The following TSPAN15 variants were observed in gnomAD, a reference collection of about 807,000 sequenced individuals.
The protein encoded by TSPAN15 is tetraspanin 15, also known as tetraspanin-15.
A neutral mutation model predicts 34.5 loss-of-function variants in TSPAN15; 20 were observed. That is an observed-to-expected ratio of 0.58 (90% CI 0.41 to 0.84). The LOEUF is 0.84. Ranked by LOEUF, TSPAN15 falls within the 40% of genes least tolerant of loss-of-function variation. TSPAN15 has a pLI of 0.00. For synonymous variants in TSPAN15, 155 were observed against 153.9 expected, an observed-to-expected ratio of 1.01 and a Z score of -0.05; for missense variants, 313 against 386.1, an observed-to-expected ratio of 0.81 and a Z score of 1.59.
At chr10:69,452,267 T>G (rs1164599470) in intron 1 of TSPAN15, among the ~76,000 whole-genome samples, 1 of 152,224 alleles carries the variant, frequency 6.6e-6, no homozygotes, top group African/African-American at 2.4e-5. Context: ...CCGCTGTCGC[T>G]GGGCTTTACC....
chr10:69,467,660 AC>A, intron 1 of TSPAN15, among the ~76,000 whole-genome samples: 1 of 151,886 alleles, frequency 6.6e-6, no homozygotes, highest in Non-Finnish European at 1.5e-5. Context: ...ACACACACAC[AC>A]ACACACACAC....
chr10:69,451,499 G>C lies in TSPAN15; in HGVS notation c.-96G>C. 1 of 1,278,484 alleles carries C rather than the reference G, an allele frequency of 7.8e-7. No individual in the cohort carries two copies. The highest frequency in any genetic ancestry group is 9.9e-7 in the Non-Finnish European group (1 of 1,011,204). 79.2% of individuals were successfully genotyped at this position (1,278,484 alleles called of 1,614,324 possible). A position where few individuals can be genotyped will look rare whatever the true frequency, so the allele number is the denominator to read the frequency against. Reference sequence around the variant, plus strand: ...GGAGAGAACGCCGGTGGCGGGGCTGGTAGCCCGGCAGCCGCAGGTGGGGCC... The same window carrying C: ...GGAGAGAACGCCGGTGGCGGGGCTGCTAGCCCGGCAGCCGCAGGTGGGGCC... On this transcript the variant is annotated 5_prime_UTR_variant, in exon 1 of 8. Transcript: ENST00000373290.
rs559257382 is a variant in TSPAN15, at chr10:69,457,320, G to A, written c.96+5630G>A. On this transcript the variant is annotated intron_variant, in intron 1 of 7. Coordinates refer to ENST00000373290, the MANE Select transcript of TSPAN15 (RefSeq NM_012339.5). ...CTTGTACCTACAAGGCGAGGATCCAGCTTGGGGCAGAGGCCTGGCTGGGGG... is the reference window on the plus strand; with the variant it reads ...CTTGTACCTACAAGGCGAGGATCCAACTTGGGGCAGAGGCCTGGCTGGGGG... 3.3e-5 allele frequency among the ~76,000 whole-genome samples: 5 copies of A among 152,354 alleles called. No homozygotes were observed. The East Asian group carries it at 9.6e-4, about 29-fold the overall frequency.
intron 1 of TSPAN15, among the ~76,000 whole-genome samples, chr10:69,482,044 A>C (rs991914915): frequency 6.6e-6 from 1 of 150,650 alleles, no homozygotes; most frequent in Non-Finnish European, 1.5e-5. Flanking sequence ...CCTGGAGCTT[A>C]TGTTCTAGTG....
the TSPAN15 span, among the ~76,000 whole-genome samples, chr10:69,530,273 A>C: frequency 9.5e-5 from 14 of 147,910 alleles, 1 homozygote; most frequent in African/African-American, 3.4e-4. Flanking sequence ...CAACAAGCAA[A>C]GCTGAGAACT....
At chr10:69,499,239 C>T (rs758335334) in intron 5 of TSPAN15, among the ~76,000 whole-genome samples, 1 of 152,226 alleles carries the variant, frequency 6.6e-6, no homozygotes, top group Non-Finnish European at 1.5e-5. Context: ...TTTCTCCTGA[C>T]ATTGCCACCA....
At chr10:69,509,248 ACCGC>A (rs548757080), downstream of TSPAN15, among the ~76,000 whole-genome samples, 8,708 of 152,138 alleles carry the variant, frequency 0.057, 322 homozygotes, top group African/African-American at 0.086. Flanking sequence ...CTCACACTGC[ACCGC>A]TGGCCAGCTG....
intron 1 of TSPAN15, among the ~76,000 whole-genome samples, chr10:69,452,995 C>T (rs1277413673): frequency 6.6e-6 from 1 of 152,208 alleles, no homozygotes; most frequent in East Asian, 1.9e-4. Context: ...AGCTCTGTTA[C>T]TGACTTATGG....
At chr10:69,485,849 G>A (rs1459931103) in intron 3 of TSPAN15, among the ~76,000 whole-genome samples, 4 of 152,176 alleles carry the variant, frequency 2.6e-5, no homozygotes, top group African/African-American at 7.2e-5. Flanking sequence ...CCAAAAAGGC[G>A]ATTTGATGTA....
the TSPAN15 span, among the ~76,000 whole-genome samples, chr10:69,524,640 GA>G: frequency 0.37 from 42,035 of 114,296 alleles, 8,415 homozygotes; most frequent in African/African-American, 0.48. Context: ...TTGCAAACTA[GA>G]AAAAAAAAAA....
chr10:69,484,176 G>A (rs1021962062), intron 2 of TSPAN15: 7 of 287,788 alleles, frequency 2.4e-5, no homozygotes, highest in African/African-American at 1.5e-4. Context: ...AAAAGGAGAT[G>A]GTAGTGAGTC....
chr10:69,504,244 C>T (rs936069944), intron 5 of TSPAN15, among the ~76,000 whole-genome samples, 194 bp from the exon 6 acceptor site: 6 of 150,924 alleles, frequency 4.0e-5, no homozygotes, highest in Admixed American at 2.6e-4. Flanking sequence ...AGTTTTTTCA[C>T]GGGGCATTTC....
the TSPAN15 span, among the ~76,000 whole-genome samples, chr10:69,530,804 CTCTCTCTCTCTCTCTCTATA>C: frequency 5.0e-3 from 341 of 67,724 alleles, no homozygotes; most frequent in Non-Finnish European, 7.5e-3. Context: ...CTCTCTCTCT[CTCTCTCTCTCTCTCTCTATA>C]TATATATATA....
chr10:69,530,806 CT>C, the TSPAN15 span, among the ~76,000 whole-genome samples: 1 of 69,064 alleles, frequency 1.4e-5, no homozygotes, highest in African/African-American at 5.5e-5. Flanking sequence ...CTCTCTCTCT[CT>C]CTCTCTCTCT....
chr10:69,493,265 A>G (rs887096261), intron 3 of TSPAN15, among the ~76,000 whole-genome samples: 2 of 152,016 alleles, frequency 1.3e-5, no homozygotes, highest in African/African-American at 2.4e-5. Context: ...CTCCCACCCA[A>G]CTTCTGCCCC....
the TSPAN15 span, among the ~76,000 whole-genome samples, chr10:69,532,036 A>T: frequency 1.3e-5 from 2 of 152,212 alleles, no homozygotes; most frequent in South Asian, 4.1e-4. Flanking sequence ...GAAATCATAG[A>T]TGACACAAAC....
chr10:69,478,884 A>C (rs1242689827), intron 1 of TSPAN15, among the ~76,000 whole-genome samples: 1 of 152,272 alleles, frequency 6.6e-6, no homozygotes, highest in African/African-American at 2.4e-5. Context: ...TATTCAGAAT[A>C]ATTGTAAAGT....
At chr10:69,530,812 CTCTCTCTCTATATATATATATA>C in the TSPAN15 span, among the ~76,000 whole-genome samples, 165 of 66,688 alleles carry the variant, frequency 2.5e-3, 2 homozygotes, top group Non-Finnish European at 3.7e-3. Flanking sequence ...CTCTCTCTCT[CTCTCTCTCTATATATATATATA>C]TATATATATA....
chr10:69,517,440 C>T, the TSPAN15 span, among the ~76,000 whole-genome samples: 1 of 152,244 alleles, frequency 6.6e-6, no homozygotes. Context: ...GCCTTAGCTG[C>T]CCTCCTGAGG....
Sources: allele counts gnomAD v4.1 joint callset (sites outside exome capture counted in the v4.1 genomes callset), GRCh38; gene constraint gnomAD v4.1.1; transcripts MANE v1.5; gene names NCBI Gene and HGNC (gene_info 2026-07-23, HGNC 2026-07-21).